Variants in SAMSN1 observed in about 807,000 individuals in gnomAD.
SAMSN1 encodes SAM domain-containing protein SAMSN-1.
A neutral mutation model predicts 42.0 loss-of-function variants in SAMSN1; 31 were observed. That is an observed-to-expected ratio of 0.74 (90% CI 0.55 to 1.00). The LOEUF (loss-of-function observed/expected upper bound fraction) is 1.00, where lower values mean the gene tolerates loss of function less well. Ranked by LOEUF, SAMSN1 falls within the 50% of genes least tolerant of loss-of-function variation. SAMSN1 has a pLI of 0.00. For synonymous variants in SAMSN1, 178 were observed against 151.9 expected (o/e 1.17, Z -1.26); for missense variants, 464 against 439.4 (o/e 1.06, Z -0.50).
upstream of SAMSN1, among the ~76,000 whole-genome samples, chr21:14,549,002 T>G (rs1980515961): frequency 6.6e-6 from 1 of 152,130 alleles, no homozygotes. Flanking sequence ...TGGTCTTACA[T>G]CCCAGACAGA....
upstream of SAMSN1, chr21:14,583,743 T>C (rs1462728936): frequency 4.2e-6 from 3 of 717,578 alleles, no homozygotes; most frequent in Non-Finnish European, 7.8e-6. Flanking sequence ...AATGTCCCCA[T>C]TGATTCCACA....
chr21:14,592,638 G>C, intron 7 of SAMSN1: 1 of 382,732 alleles, frequency 2.6e-6, no homozygotes, highest in Non-Finnish European at 5.6e-6. Flanking sequence ...AAATTCTTGA[G>C]CCTTAGAAAA....
rs569991361 is a variant in SAMSN1 at position 14,626,755 on chromosome 21, G to A, written c.157-10739C>T. ...GGATCTAGAACTAGAAATTCCATTT[G>A]AGCCAGCCATCCCATTACTGGGTAT... On this transcript the variant is annotated intron_variant, in intron 2 of 15. Transcript: ENST00000647101. Among the ~76,000 whole-genome samples, 70 of 152,330 alleles carry A rather than the reference G, an allele frequency of 4.6e-4. 3 individuals are homozygous for A. The South Asian group carries it at 0.014, about 31-fold the overall frequency.
upstream of SAMSN1, among the ~76,000 whole-genome samples, chr21:14,547,841 G>A (rs372689838): frequency 2.0e-5 from 3 of 152,216 alleles, no homozygotes; most frequent in African/African-American, 7.2e-5. Context: ...TTCTATAACA[G>A]AATTGAAAGA....
intron 1 of SAMSN1, among the ~76,000 whole-genome samples, chr21:14,541,138 G>C (rs1170664555): frequency 2.0e-5 from 3 of 146,658 alleles, no homozygotes; most frequent in Non-Finnish European, 4.5e-5. Flanking sequence ...TTGTGGGGTT[G>C]GGGGAGGGGG....
At chr21:14,503,840 G>C (rs1333810147) in intron 5 of SAMSN1, among the ~76,000 whole-genome samples, 1 of 152,088 alleles carries the variant, frequency 6.6e-6, no homozygotes, top group African/African-American at 2.4e-5. Flanking sequence ...CCTGAAGGAA[G>C]TGAATTCCTC....
intron 2 of SAMSN1, among the ~76,000 whole-genome samples, chr21:14,577,852 C>G (rs1353608982): frequency 2.0e-5 from 3 of 152,140 alleles, no homozygotes; most frequent in Non-Finnish European, 4.4e-5. Context: ...TGATCTTTTA[C>G]CTTTCTCAAT....
exon 2 of SAMSN1, chr21:14,582,424 A>G (rs750388200): frequency 2.6e-6 from 4 of 1,544,466 alleles, no homozygotes; most frequent in Non-Finnish European, 2.6e-6. Flanking sequence ...TGCTAACACT[A>G]TTCACTTTCT....
At chr21:14,596,708 A>T (rs995317819) in intron 6 of SAMSN1, among the ~76,000 whole-genome samples, 12 of 152,118 alleles carry the variant, frequency 7.9e-5, no homozygotes, top group Admixed American at 1.3e-4. Context: ...CCTGCAGTCA[A>T]TTCCCATAAA....
intron 1 of SAMSN1, chr21:14,643,205 A>G (rs1983636693): frequency 1.4e-6 from 1 of 695,858 alleles, no homozygotes; most frequent in Non-Finnish European, 2.7e-6. Flanking sequence ...CCTAATTTAT[A>G]CACCCACCTT....
intron 6 of SAMSN1, among the ~76,000 whole-genome samples, chr21:14,597,597 T>C (rs972927396): frequency 6.6e-6 from 1 of 152,170 alleles, no homozygotes; most frequent in East Asian, 1.9e-4. Context: ...AAAGTGATTG[T>C]TTTAAAAATA....
intron 1 of SAMSN1, among the ~76,000 whole-genome samples, chr21:14,643,772 GA>G (rs1329939776): frequency 6.6e-6 from 1 of 152,184 alleles, no homozygotes; most frequent in Admixed American, 6.5e-5. Context: ...AGGCACTGAA[GA>G]GATAGAAAAA....
chr21:14,595,995 A>T (rs569022517), intron 6 of SAMSN1, among the ~76,000 whole-genome samples: 1 of 152,206 alleles, frequency 6.6e-6, no homozygotes, highest in African/African-American at 2.4e-5. Flanking sequence ...GAAATCAAAA[A>T]GTAAAACACC....
chr21:14,555,558 A>T (rs1174672900), intron 2 of SAMSN1, among the ~76,000 whole-genome samples: 1 of 152,192 alleles, frequency 6.6e-6, no homozygotes, highest in African/African-American at 2.4e-5. Flanking sequence ...ATGACACAGT[A>T]GGAAGAAAGC....
At chr21:14,538,390 C>T (rs780623303) in intron 1 of SAMSN1, among the ~76,000 whole-genome samples, 2 of 152,116 alleles carry the variant, frequency 1.3e-5, no homozygotes, top group Admixed American at 6.5e-5. Flanking sequence ...AATCTTTTAA[C>T]TTGTGGAAAA....
rs376924600 is a variant in SAMSN1 at position 14,624,036 on chromosome 21, C to T, written c.157-8020G>A. 9.6e-4 allele frequency among the ~76,000 whole-genome samples: 146 copies of T among 152,136 alleles called. 2 individuals are homozygous for T. The South Asian group carries it at 0.011, about 11-fold the overall frequency. The stretch of plus-strand genomic sequence containing the variant: ...TGCTCTTGAATGACTACTGGGTACA[C>T]AACGAAATGAAGGCAAAAAGAAAGA... On this transcript the variant is annotated intron_variant, in intron 2 of 15. Coordinates refer to the SAMSN1 transcript ENST00000647101.
At chr21:14,626,663 T>A (rs1392786635) in intron 2 of SAMSN1, among the ~76,000 whole-genome samples, 1 of 152,180 alleles carries the variant, frequency 6.6e-6, no homozygotes, top group Non-Finnish European at 1.5e-5. Flanking sequence ...ATAGGAACAC[T>A]TTTACACTGT....
intron 7 of SAMSN1, among the ~76,000 whole-genome samples, chr21:14,487,437 T>C (rs1453222065): frequency 6.6e-6 from 1 of 152,132 alleles, no homozygotes; most frequent in African/African-American, 2.4e-5. Context: ...TGTGTCCAAT[T>C]GCCATCAACT....
At chr21:14,602,437 C>A (rs1982461302) in intron 5 of SAMSN1, among the ~76,000 whole-genome samples, 1 of 152,134 alleles carries the variant, frequency 6.6e-6, no homozygotes, top group Non-Finnish European at 1.5e-5. Flanking sequence ...TGACTCCATG[C>A]AGTTATCACC....
Sources: allele counts gnomAD v4.1 joint callset (sites outside exome capture counted in the v4.1 genomes callset), GRCh38; gene constraint gnomAD v4.1.1; transcripts MANE v1.5; gene names NCBI Gene and HGNC (gene_info 2026-07-23, HGNC 2026-07-21).